The following UMOD variants were observed in gnomAD, a reference collection of about 807,000 sequenced individuals.
UMOD encodes the protein Tamm-Horsfall urinary glycoprotein.
Under a neutral mutation model 66.0 loss-of-function variants are expected in UMOD, and 64 were observed. The ratio of observed to expected loss-of-function variants is 0.97; its 90% CI spans 0.79 to 1.19. UMOD has a LOEUF of 1.19. Among genes scored for constraint, UMOD ranks in the 50% most tolerant of loss-of-function variants. The pLI, the probability that UMOD is intolerant of heterozygous loss-of-function variation, is 0.00. For synonymous variants in UMOD, 398 were observed against 352.7 expected (o/e 1.13, Z -1.44); for missense variants, 764 against 850.9 (o/e 0.90, Z 1.27).
At position 20,346,156 on chromosome 16, in the gene UMOD, G is replaced by C. The variant is rs143764582; in HGVS notation, c.1152C>G (p.Ala384=). ...NRDWVSVVTP[A]RDGPCGTVLT... ...ACACTGTCCCACAGGGGCCATCCCGGGCTGGGGTCACTACAGACACCCAGT... is the reference window on the plus strand; with the variant it reads ...ACACTGTCCCACAGGGGCCATCCCGCGCTGGGGTCACTACAGACACCCAGT... Residue 384 remains alanine (A), a synonymous_variant, in exon 5 of 11, where the codon GCC becomes GCG. Coordinates refer to ENST00000396138, the MANE Select transcript of UMOD (RefSeq NM_003361.4). The C allele has an allele frequency of 3.4e-5, 55 of 1,613,978 alleles. No homozygotes were observed. The highest frequency in any genetic ancestry group is 4.3e-5 in the Non-Finnish European group (51 of 1,180,046).
chr16:20,352,102 A>C (rs1965930993), intron 1 of UMOD, among the ~76,000 whole-genome samples: 1 of 150,900 alleles, frequency 6.6e-6, no homozygotes, highest in Admixed American at 6.7e-5. Flanking sequence ...GTGCACACAC[A>C]CATAAAATTT....
rs1964950066 is a variant in UMOD at position 20,337,439 on chromosome 16, C to G, written c.1592G>C (p.Arg531Thr). 5 of 1,614,050 alleles carry G rather than the reference C, an allele frequency of 3.1e-6. No homozygotes were observed. Among genetic ancestry groups the G allele is most frequent in the African/African-American group, 1.3e-5 (1 of 74,918 alleles). ...CTCCACCACTTGGATAGTTGAGTCTCTAGTGTGTGGGCATCTGGGAGGGTT... is the reference window on the plus strand; with the variant it reads ...CTCCACCACTTGGATAGTTGAGTCTGTAGTGTGTGGGCATCTGGGAGGGTT... Reference protein sequence around the residue: ...FIIQDRCPHTRDSTIQVVENG... With the variant: ...FIIQDRCPHTTDSTIQVVENG... The change falls in exon 8 of 11, where the codon AGA (arginine) becomes ACA (threonine). Residue 531 changes from arginine (R) to threonine (T), a missense_variant. By Grantham distance (71) the Arg-to-Thr change is moderately conservative. Coordinates refer to ENST00000396138, the MANE Select transcript of UMOD (RefSeq NM_003361.4).
Position 20,341,102 on chromosome 16 carries a change from G to A in UMOD, c.1566C>T (p.Ile522=). The A allele has an allele frequency of 6.2e-7, 1 of 1,613,924 alleles. No homozygotes were observed. Among genetic ancestry groups the A allele is most frequent in the South Asian group, 1.1e-5 (1 of 91,042 alleles). ...SNATDPLKYF[I]IQDRCPHTRD... is the part of the protein sequence containing the mutation. ...AACCTTTGCCTTACCTGTCCTGGAT[G>A]ATGAAGTACTTCAGGGGGTCCGTGG... The change falls in exon 7 of 11, where the codon ATC becomes ATT. Residue 522 remains isoleucine (I), a synonymous_variant. Coordinates refer to ENST00000396138, the MANE Select transcript of UMOD (RefSeq NM_003361.4).
chr16:20,338,094 G>T (rs1473891095), intron 7 of UMOD, among the ~76,000 whole-genome samples: 1 of 152,204 alleles, frequency 6.6e-6, no homozygotes, highest in East Asian at 1.9e-4. Context: ...GCTGAACACT[G>T]ACTGCAAAAC....
At position 20,351,979 on chromosome 16, in the gene UMOD, C is replaced by T. The variant is rs142700586; in HGVS notation, c.-103+710G>A. ...GTTGCAGTGAGCTGAGATCGTGCCACTGCACTCCTGCCTGGGTGACAGAGA... is the reference window on the plus strand; with the variant it reads ...GTTGCAGTGAGCTGAGATCGTGCCATTGCACTCCTGCCTGGGTGACAGAGA... On this transcript the variant is annotated intron_variant, in intron 1 of 10. Coordinates refer to ENST00000396138, the MANE Select transcript of UMOD (RefSeq NM_003361.4). Among the ~76,000 whole-genome samples the T allele has an allele frequency of 2.5e-3, 370 of 148,362 alleles. 1 individual carries two copies. Among genetic ancestry groups the T allele is most frequent in the African/African-American group, 8.8e-3 (351 of 39,816 alleles).
At chr16:20,343,907 C>G (rs1345709896) in intron 6 of UMOD, 117 bp downstream of exon 6, 1 of 1,307,394 alleles carries the variant, frequency 7.6e-7, no homozygotes, top group Admixed American at 2.0e-5. Context: ...TTGGGCAACC[C>G]TGATTCCCAG....
At position 20,333,237 on chromosome 16, in the gene UMOD, G is replaced by C; in HGVS notation, c.*77C>G. 7.1e-7 allele frequency: 1 copy of C among 1,409,868 alleles called. No individual in the cohort carries two copies. Among genetic ancestry groups the C allele is most frequent in the Non-Finnish European group, 9.9e-7 (1 of 1,007,600 alleles). The allele number at this position is 1,409,868 out of a possible 1,614,324, so 87.3% of individuals were successfully genotyped here. ...ATGAACTTTCTTTTCTGTGGCTGGA[G>C]CACTGGCCCGCATCATGCCCCCTGC... On this transcript the variant is annotated 3_prime_UTR_variant, in exon 11 of 11. Coordinates refer to ENST00000396138, the MANE Select transcript of UMOD (RefSeq NM_003361.4).
chr16:20,341,820 G>A (rs539100839), intron 6 of UMOD, among the ~76,000 whole-genome samples: 7 of 152,302 alleles, frequency 4.6e-5, no homozygotes, highest in South Asian at 2.1e-4. Flanking sequence ...GGCCTCCATC[G>A]TGATGTACTA....
intron 1 of UMOD, chr16:20,351,469 GGCATGTTGGTTAA>G (rs1232928835): frequency 3.8e-5 from 6 of 156,396 alleles, no homozygotes; most frequent in Non-Finnish European, 8.5e-5. Flanking sequence ...AAAATAGGGT[GGCATGTTGGTTAA>G]GTATGTAGGA....
chr16:20,347,204 G>A (rs1965635657), intron 4 of UMOD, among the ~76,000 whole-genome samples: 2 of 152,114 alleles, frequency 1.3e-5, no homozygotes, highest in South Asian at 2.1e-4. Context: ...TGTATTTTTA[G>A]TAGAGATGGG....
In UMOD at chr16:20,333,080, C is replaced by G; in HGVS notation, c.*234G>C. 1 of 542,630 alleles carries G rather than the reference C, an allele frequency of 1.8e-6. No homozygotes were observed. Among genetic ancestry groups the G allele is most frequent in the Non-Finnish European group, 3.4e-6 (1 of 295,292 alleles). The allele number at this position is 542,630 out of a possible 1,614,324, so 33.6% of individuals were successfully genotyped here. ...ATTTAAAAATCATTATTTTGCCACA[C>G]TCTTTAAGGAGATGGGGGCCTCAGG... On this transcript the variant is annotated 3_prime_UTR_variant, in exon 11 of 11. Coordinates refer to ENST00000396138, the MANE Select transcript of UMOD (RefSeq NM_003361.4).
intron 6 of UMOD, 132 bp downstream of exon 6, chr16:20,343,892 T>A (rs1965376684): frequency 2.7e-6 from 3 of 1,102,032 alleles, no homozygotes; most frequent in African/African-American, 3.1e-5. Flanking sequence ...TTCCTGGCTC[T>A]TCCATTGGGC....
Position 20,341,309 on chromosome 16 carries a change from G to A in UMOD, c.1359C>T (p.Thr453=), listed in dbSNP as rs144461487. Residue 453 remains threonine, a synonymous_variant, in exon 7 of 11, where the codon ACC becomes ACT. Transcript: ENST00000396138. The part of the protein sequence containing the change: ...VSALNIRVGG[T]GMFTVRMALF... Reference sequence around the variant, plus strand: ...GCGCCATCCGCACGGTGAACATGCCGGTCCCGCCCACTCTGATGTTTAGAG... The same window carrying A: ...GCGCCATCCGCACGGTGAACATGCCAGTCCCGCCCACTCTGATGTTTAGAG... 145 of 1,613,926 alleles carry A rather than the reference G, an allele frequency of 9.0e-5. 1 individual carries two copies. The highest frequency in any genetic ancestry group is 3.3e-4 in the Middle Eastern group (2 of 6,052).
intron 4 of UMOD, among the ~76,000 whole-genome samples, chr16:20,347,913 A>G (rs1268577680): frequency 6.6e-6 from 1 of 152,046 alleles, no homozygotes; most frequent in African/African-American, 2.4e-5. Context: ...TAGGGCTCAG[A>G]TGGTCTTTGG....
intron 6 of UMOD, among the ~76,000 whole-genome samples, chr16:20,343,151 A>ATAAATAAATAAATAATTAAATAAT (rs34049357): frequency 5.9e-5 from 9 of 151,334 alleles, no homozygotes; most frequent in Admixed American, 2.0e-4. Flanking sequence ...AAATAAATAA[A>ATAAATAAATAAATAATTAAATAAT]TAAATAATCA....
intron 2 of UMOD, chr16:20,349,919 A>G: frequency 1.3e-6 from 2 of 1,511,794 alleles, no homozygotes; most frequent in Non-Finnish European, 1.8e-6. Context: ...GTTGTTTATT[A>G]AGCAATTACT....
intron 1 of UMOD, among the ~76,000 whole-genome samples, chr16:20,351,630 G>A (rs993527018): frequency 6.6e-6 from 1 of 152,110 alleles, no homozygotes; most frequent in Non-Finnish European, 1.5e-5. Context: ...TATCTATGAT[G>A]GGCCAGGCTC....
At chr16:20,350,526 T>A (rs1271887229) in intron 2 of UMOD, 124 bp downstream of exon 2, 23 of 1,246,952 alleles carry the variant, frequency 1.8e-5, no homozygotes, top group Non-Finnish European at 2.5e-5. Context: ...ATGAAGACAA[T>A]GCAAGTCTCA....
chr16:20,349,989 G>T, intron 2 of UMOD: 1 of 1,077,184 alleles, frequency 9.3e-7, no homozygotes, highest in South Asian at 2.0e-5. Flanking sequence ...ACTTCCCAAG[G>T]GCCTCGTGAG....
Sources: allele counts gnomAD v4.1 joint callset (sites outside exome capture counted in the v4.1 genomes callset), GRCh38; gene constraint gnomAD v4.1.1; transcripts MANE v1.5; gene names NCBI Gene and HGNC (gene_info 2026-07-23, HGNC 2026-07-21).